NTM: variants seen among roughly 807,000 people sequenced by gnomAD.
NTM encodes the protein neurotrimin.
NTM carries 13 observed loss-of-function variants against 42.1 expected under a neutral mutation model. The ratio of observed to expected loss-of-function variants is 0.31; its 90% CI spans 0.20 to 0.49. NTM has a LOEUF of 0.49. Ranked by LOEUF, NTM falls within the 20% of genes least tolerant of loss-of-function variation. NTM has a pLI of 0.99. For missense variants in NTM, 373 were observed against 452.8 expected (o/e 0.82, Z 1.60); for synonymous variants, 187 against 179.2 (o/e 1.04, Z -0.35).
At chr11:131,506,027 G>A (rs538688525) in intron 1 of NTM, among the ~76,000 whole-genome samples, 5 of 152,232 alleles carry the variant, frequency 3.3e-5, no homozygotes, top group Admixed American at 1.3e-4. Flanking sequence ...GTTTCTGTCT[G>A]ATGTCAGTTA....
intron 6 of NTM, 109 bp from the exon 7 acceptor site, chr11:132,314,443 T>C: frequency 1.7e-6 from 2 of 1,194,800 alleles, no homozygotes; most frequent in Non-Finnish European, 2.3e-6. Flanking sequence ...GTTATAATGA[T>C]GTCAGAAAGG....
chr11:132,311,064 G>C (rs547383359), intron 6 of NTM, among the ~76,000 whole-genome samples: 3 of 152,138 alleles, frequency 2.0e-5, no homozygotes, highest in African/African-American at 4.8e-5. Flanking sequence ...AGCAAGGAGT[G>C]GGGGAGGCCA....
rs1396033052 is a variant in NTM at position 132,017,087 on chromosome 11, GCTTTT to G, written c.167+105446_167+105450del. On this transcript the variant is annotated intron_variant, in intron 2 of 8. Transcript: ENST00000683400. ...AAATATATTTTCCCAGTCTCTGAGG[GCTTTT>G]CTTTTCATTTTTTAAATGGTGGGTT... 2.6e-5 allele frequency among the ~76,000 whole-genome samples: 4 copies of G among 151,778 alleles called. No homozygotes were observed. In the South Asian group the frequency reaches 8.3e-4, roughly 32 times the overall value.
chr11:131,782,325 A>G (rs1304682766), intron 1 of NTM, among the ~76,000 whole-genome samples: 1 of 152,126 alleles, frequency 6.6e-6, no homozygotes, highest in Non-Finnish European at 1.5e-5. Context: ...AAAAATTACC[A>G]AAATAGTCAC....
chr11:131,431,055 G>A (rs575502038), intron 1 of NTM, among the ~76,000 whole-genome samples: 7 of 152,312 alleles, frequency 4.6e-5, no homozygotes, highest in Non-Finnish European at 1.0e-4. Context: ...ACACAGTGTC[G>A]CAGAGACCTG....
chr11:131,687,139 C>A (rs1474415700), intron 1 of NTM, among the ~76,000 whole-genome samples: 1 of 152,232 alleles, frequency 6.6e-6, no homozygotes, highest in Non-Finnish European at 1.5e-5. Flanking sequence ...CCCTCCACGT[C>A]ATGCAATGCT....
intron 1 of NTM, among the ~76,000 whole-genome samples, chr11:131,746,912 G>A (rs1264312454): frequency 6.6e-6 from 1 of 152,148 alleles, no homozygotes; most frequent in Non-Finnish European, 1.5e-5. Flanking sequence ...TTATCAATTT[G>A]CTGTAGTAGT....
intron 1 of NTM, among the ~76,000 whole-genome samples, chr11:131,846,447 T>C (rs1304122549): frequency 6.6e-6 from 1 of 152,192 alleles, no homozygotes; most frequent in East Asian, 1.9e-4. Context: ...CTTTAGTAGA[T>C]GATCAGCTCA....
At chr11:131,401,205 C>T (rs898268919) in intron 1 of NTM, among the ~76,000 whole-genome samples, 1 of 152,042 alleles carries the variant, frequency 6.6e-6, no homozygotes, top group Non-Finnish European at 1.5e-5. Context: ...AAAGCATACC[C>T]ACACCACACA....
At chr11:131,638,563 C>CAAAAA (rs58374119) in intron 1 of NTM, among the ~76,000 whole-genome samples, 4 of 53,314 alleles carry the variant, frequency 7.5e-5, no homozygotes, top group African/African-American at 1.7e-4. Context: ...GAGACTCCTT[C>CAAAAA]AAAAAAAAAA....
At chr11:131,510,786 G>A (rs577892912) in intron 1 of NTM, among the ~76,000 whole-genome samples, 15 of 152,178 alleles carry the variant, frequency 9.9e-5, no homozygotes, top group African/African-American at 3.6e-4. Context: ...TTGTGCCCCA[G>A]TTGGAGTCCA....
chr11:131,384,652 C>T (rs1565448522), intron 1 of NTM, among the ~76,000 whole-genome samples: 1 of 151,756 alleles, frequency 6.6e-6, no homozygotes, highest in Non-Finnish European at 1.5e-5. Context: ...CAGGTGAGGC[C>T]CTCAGGGAAT....
chr11:132,071,971 G>C (rs1017670818), intron 2 of NTM, among the ~76,000 whole-genome samples: 3 of 152,138 alleles, frequency 2.0e-5, no homozygotes, highest in Non-Finnish European at 4.4e-5. Flanking sequence ...GAACTCAGAG[G>C]TAATACAGAT....
intron 2 of NTM, among the ~76,000 whole-genome samples, chr11:132,054,061 C>A (rs539520546): frequency 1.3e-5 from 2 of 152,264 alleles, no homozygotes; most frequent in South Asian, 4.1e-4. Context: ...ACTAAAAATA[C>A]AAAATTTGCC....
chr11:131,874,053 A>ATC (rs1454185401), intron 1 of NTM, among the ~76,000 whole-genome samples: 1 of 85,664 alleles, frequency 1.2e-5, no homozygotes, highest in Non-Finnish European at 2.3e-5. Flanking sequence ...ATATATATAT[A>ATC]TATATATATA....
chr11:131,514,489 T>C (rs929511481), intron 1 of NTM, among the ~76,000 whole-genome samples: 6 of 152,208 alleles, frequency 3.9e-5, no homozygotes, highest in African/African-American at 1.2e-4. Context: ...TCCAAATCTT[T>C]AGGAAGGTGG....
chr11:131,658,435 C>T (rs552188065), intron 1 of NTM, among the ~76,000 whole-genome samples: 4 of 152,214 alleles, frequency 2.6e-5, no homozygotes, highest in African/African-American at 7.2e-5. Flanking sequence ...GTTAACATTC[C>T]ACACCCACGT....
At chr11:132,008,155 T>C (rs1281443721) in intron 2 of NTM, among the ~76,000 whole-genome samples, 1 of 152,184 alleles carries the variant, frequency 6.6e-6, no homozygotes, top group Non-Finnish European at 1.5e-5. Flanking sequence ...GACTCCACTG[T>C]ATGGGGATCA....
intron 1 of NTM, among the ~76,000 whole-genome samples, chr11:131,451,488 T>TG (rs879866770): frequency 1.3e-4 from 20 of 152,186 alleles, no homozygotes; most frequent in Admixed American, 5.9e-4. Context: ...AGAGCGAGAC[T>TG]GGGGGTGCAG....
Sources: gnomAD v4.1 joint callset for allele counts (sites outside exome capture counted in the v4.1 genomes callset) on GRCh38, gnomAD v4.1.1 for gene constraint, MANE v1.5 for transcripts, NCBI Gene and HGNC (gene_info 2026-07-23, HGNC 2026-07-21) for gene names.